Variants in BST1 observed in about 807,000 individuals in gnomAD.
The protein encoded by BST1 is ADP-ribosyl cyclase/cyclic ADP-ribose hydrolase 2.
Under a neutral mutation model 40.6 loss-of-function variants are expected in BST1, and 49 were observed. The ratio of observed to expected loss-of-function variants is 1.21; its 90% CI spans 0.96 to 1.53. The LOEUF is 1.53. BST1 is among the 40% of genes most tolerant of loss of function. The pLI is 0.00. For missense variants in BST1, 423 were observed against 395.9 expected, an observed-to-expected ratio of 1.07 and a Z score of -0.58; for synonymous variants, 157 against 159.3, an observed-to-expected ratio of 0.99 and a Z score of 0.11.
At chr4:15,749,237 G>GCAGT in the BST1 span, among the ~76,000 whole-genome samples, 2 of 152,302 alleles carry the variant, frequency 1.3e-5, no homozygotes, top group East Asian at 3.9e-4. Context: ...AGGCTCTCAG[G>GCAGT]CAGTCACAGG....
At chr4:15,713,655 C>T (rs1009786049) in intron 4 of BST1, among the ~76,000 whole-genome samples, 6 of 152,100 alleles carry the variant, frequency 3.9e-5, no homozygotes, top group Non-Finnish European at 5.9e-5. Context: ...ATCAGACTTT[C>T]AACCACGACG....
chr4:15,703,117 A>T lies in BST1; in HGVS notation c.-28A>T. On this transcript the variant is annotated 5_prime_UTR_variant, in exon 1 of 9. Transcript: ENST00000265016. ...AGGAGAGAAGGGGAGTGGAGGAAGC[A>T]CGGGACTGGAGGGACCAAAGTTCCC... 6.4e-7 allele frequency: 1 copy of T among 1,555,494 alleles called. No homozygotes were observed. Among genetic ancestry groups the T allele is most frequent in the Admixed American group, 2.0e-5 (1 of 51,240 alleles).
intron 7 of BST1, among the ~76,000 whole-genome samples, chr4:15,721,443 G>T (rs1174820751): frequency 1.3e-5 from 2 of 152,134 alleles, no homozygotes; most frequent in Non-Finnish European, 2.9e-5. Flanking sequence ...AAAAATATGT[G>T]CATCACATAT....
chr4:15,704,435 T>C (rs1029770914), intron 1 of BST1, among the ~76,000 whole-genome samples: 3 of 149,026 alleles, frequency 2.0e-5, no homozygotes, highest in Admixed American at 1.3e-4. Context: ...GTGAGTTGTG[T>C]GTGTGTTCTA....
At chr4:15,734,435 A>G (rs945905247), downstream of BST1, among the ~76,000 whole-genome samples, 5 of 152,208 alleles carry the variant, frequency 3.3e-5, no homozygotes, top group Non-Finnish European at 5.9e-5. Context: ...TATATGATGA[A>G]AATGTCTAAA....
the BST1 span, among the ~76,000 whole-genome samples, chr4:15,770,383 G>T: frequency 1.3e-5 from 2 of 152,060 alleles, no homozygotes; most frequent in Non-Finnish European, 2.9e-5. Context: ...GCCTGCTGTG[G>T]TGTCACTGTC....
At chr4:15,742,177 C>T (rs971023697), downstream of BST1, among the ~76,000 whole-genome samples, 3 of 152,170 alleles carry the variant, frequency 2.0e-5, no homozygotes, top group African/African-American at 7.2e-5. Context: ...ATGTTTGTCC[C>T]TCCAAACTTC....
the BST1 span, among the ~76,000 whole-genome samples, chr4:15,755,650 C>T: frequency 6.6e-6 from 1 of 151,870 alleles, no homozygotes; most frequent in Admixed American, 6.6e-5. Flanking sequence ...GTGAAAAGCC[C>T]CAAAGAAAAA....
chr4:15,769,191 C>T, the BST1 span, among the ~76,000 whole-genome samples: 5 of 152,168 alleles, frequency 3.3e-5, no homozygotes, highest in African/African-American at 7.2e-5. Context: ...TGGTTTTAGC[C>T]GGTGAATCCG....
chr4:15,715,087 A>C (rs1720431902), intron 4 of BST1, among the ~76,000 whole-genome samples, 198 bp from the exon 5 acceptor site: 1 of 152,160 alleles, frequency 6.6e-6, no homozygotes, highest in Admixed American at 6.5e-5. Context: ...TGGATTACTG[A>C]GTCTATGAGT....
downstream of BST1, among the ~76,000 whole-genome samples, chr4:15,733,618 G>A (rs538760075): frequency 2.0e-5 from 3 of 152,160 alleles, no homozygotes; most frequent in South Asian, 2.1e-4. Context: ...GGAAACTTAC[G>A]ATCATCATGG....
intron 2 of BST1, 127 bp downstream of exon 2, chr4:15,705,768 CATA>C (rs1190109652): frequency 1.6e-6 from 2 of 1,277,162 alleles, no homozygotes; most frequent in Admixed American, 1.9e-5. Context: ...AGGCAGCACA[CATA>C]ATGTGTGTGC....
chr4:15,715,820 T>G (rs1389638386), intron 6 of BST1, 21 bp downstream of exon 6: 2 of 1,477,728 alleles, frequency 1.4e-6, no homozygotes, highest in Non-Finnish European at 1.8e-6. Flanking sequence ...GTGATATTGA[T>G]GATGATAATT....
downstream of BST1, among the ~76,000 whole-genome samples, chr4:15,742,447 C>T (rs139072056): frequency 2.6e-3 from 393 of 152,314 alleles, 1 homozygote; most frequent in African/African-American, 8.8e-3. Flanking sequence ...CACCATGAGT[C>T]GAAGCAGCCT....
chr4:15,731,399 C>G (rs560085177), intron 8 of BST1: 1 of 585,914 alleles, frequency 1.7e-6, no homozygotes, highest in Admixed American at 2.6e-5. Context: ...CAGGCTTGGC[C>G]TTGTCACGGT....
the BST1 span, among the ~76,000 whole-genome samples, chr4:15,772,007 G>GTC: frequency 0.21 from 31,139 of 148,740 alleles, 3,331 homozygotes; most frequent in African/African-American, 0.28. Flanking sequence ...AACAATGAAG[G>GTC]TCTCTCTCTC....
chr4:15,744,825 C>A, the BST1 span, among the ~76,000 whole-genome samples: 1 of 152,104 alleles, frequency 6.6e-6, no homozygotes, highest in African/African-American at 2.4e-5. Flanking sequence ...GTGTTAGAAA[C>A]AAGGATAATG....
the BST1 span, among the ~76,000 whole-genome samples, chr4:15,751,429 C>T: frequency 6.6e-6 from 1 of 151,770 alleles, no homozygotes; most frequent in Non-Finnish European, 1.5e-5. Context: ...GGAGGTGGTA[C>T]CATGAAAGAA....
chr4:15,731,222 A>AG (rs1398359089), intron 8 of BST1: 1 of 459,674 alleles, frequency 2.2e-6, no homozygotes, highest in Non-Finnish European at 4.0e-6. Context: ...GTGAGCAGGG[A>AG]GGGGCAATTT....
Sources: gnomAD v4.1 joint callset for allele counts (sites outside exome capture counted in the v4.1 genomes callset) on GRCh38, gnomAD v4.1.1 for gene constraint, MANE v1.5 for transcripts, NCBI Gene and HGNC (gene_info 2026-07-23, HGNC 2026-07-21) for gene names.